AGPAT1: variants seen among roughly 807,000 people sequenced by gnomAD.
The protein encoded by AGPAT1 is 1-acyl-sn-glycerol-3-phosphate acyltransferase alpha.
AGPAT1 carries 6 observed loss-of-function variants against 31.2 expected under a neutral mutation model. The ratio of observed to expected loss-of-function variants is 0.19; its 90% CI spans 0.11 to 0.38. The LOEUF is 0.38. AGPAT1 is among the 10% of genes least tolerant of loss of function. The pLI, the probability that AGPAT1 is intolerant of heterozygous loss-of-function variation, is 1.00. For missense variants in AGPAT1, 187 were observed against 377.8 expected (o/e 0.49, Z 4.19); for synonymous variants, 139 against 154.0 (o/e 0.90, Z 0.72).
Position 32,169,637 on chromosome 6 carries a change from G to T in AGPAT1, c.680-189C>A. 1 of 687,436 alleles carries T rather than the reference G, an allele frequency of 1.5e-6. No individual in the cohort carries two copies. The highest frequency in any genetic ancestry group is 2.4e-6 in the Non-Finnish European group (1 of 416,144). 42.6% of individuals were successfully genotyped at this position (687,436 alleles called of 1,614,324 possible). A position where few individuals can be genotyped will look rare whatever the true frequency, so the allele number is the denominator to read the frequency against. On this transcript the variant is annotated intron_variant, in intron 6 of 6. Coordinates refer to ENST00000375107, the MANE Select transcript of AGPAT1 (RefSeq NM_006411.4). This position sits in a 1 kb window ranked among gnomAD's most constrained non-coding sequence, Gnocchi z 5.9. ...TATACAAAGCCTTCTCCAATCCCCA[G>T]TTCAGACATCTCCTCAGCACCCCTC...
chr6:32,169,343 A>G lies in AGPAT1; in HGVS notation c.785T>C (p.Phe262Ser). 6.2e-7 allele frequency: 1 copy of G among 1,612,994 alleles called. No individual in the cohort carries two copies. The highest frequency in any genetic ancestry group is 8.5e-7 in the Non-Finnish European group (1 of 1,179,978). Residue 262 changes from phenylalanine (F) to serine (S), a missense_variant, in exon 7 of 7, where the codon TTC (phenylalanine) becomes TCC (serine). Phe to Ser is a radical substitution (Grantham distance 155). This residue lies in a region of AGPAT1 where 29 missense variants were observed against 33.8 expected (regional missense o/e 0.86). Transcript: ENST00000375107. The surrounding 1 kb of genome is among the most constrained non-coding windows in gnomAD (Gnocchi z 5.9). ...CCGGCCATCAGTGGAGATTTCCCGG[A>G]AAACAGTGAGCATGGAGTGCCGGAC... is the stretch of plus-strand genomic sequence containing the variant. ...DRVRHSMLTV[F>S]REISTDGRGG...
chr6:32,169,168 G>T lies in AGPAT1; in HGVS notation c.*108C>A. On this transcript the variant is annotated 3_prime_UTR_variant, in exon 7 of 7. Transcript: ENST00000375107. The surrounding 1 kb of genome is among the most constrained non-coding windows in gnomAD (Gnocchi z 5.9). ...AGATTCCAAAGAGGAGAATAAGTGG[G>T]GAGAGGGGAGACAAGGAAGAGGGTT... 8.5e-7 allele frequency: 1 copy of T among 1,179,366 alleles called. No individual in the cohort carries two copies. Among genetic ancestry groups the T allele is most frequent in the South Asian group, 1.4e-5 (1 of 71,340 alleles). The allele number at this position is 1,179,366 out of a possible 1,614,324, so 73.1% of individuals were successfully genotyped here. A position where few individuals can be genotyped will look rare whatever the true frequency, so the allele number is the denominator to read the frequency against.
At position 32,171,664 on chromosome 6, in the gene AGPAT1, C is replaced by T. The variant is rs1582665468; in HGVS notation, c.-9-159G>A. The T allele has an allele frequency of 5.2e-6, 5 of 964,588 alleles. No homozygotes were observed. The highest frequency in any genetic ancestry group is 6.1e-6 in the Non-Finnish European group (4 of 658,112). 59.8% of individuals were successfully genotyped at this position (964,588 alleles called of 1,614,324 possible). A position where few individuals can be genotyped will look rare whatever the true frequency, so the allele number is the denominator to read the frequency against. On this transcript the variant is annotated intron_variant, in intron 1 of 6. Coordinates refer to ENST00000375107, the MANE Select transcript of AGPAT1 (RefSeq NM_006411.4). This position sits in a 1 kb window ranked among gnomAD's most constrained non-coding sequence, Gnocchi z 6.9. ...ATTGAAACCTTCCCAGGAAGGCTCT[C>T]TAGGATGAGGGTGGTGGAGAAAGAG... is the stretch of plus-strand genomic sequence containing the variant.
chr6:32,169,483 C>T lies in AGPAT1; in HGVS notation c.680-35G>A. Reference sequence around the variant, plus strand: ...GGGGAGCACCATCATGGCCTGTCCACCCAGGTCTTTGCCCACAGGTGGGGC... The same window carrying T: ...GGGGAGCACCATCATGGCCTGTCCATCCAGGTCTTTGCCCACAGGTGGGGC... On this transcript the variant is annotated intron_variant, in intron 6 of 6. Coordinates refer to ENST00000375107, the MANE Select transcript of AGPAT1 (RefSeq NM_006411.4). The surrounding 1 kb of genome is among the most constrained non-coding windows in gnomAD (Gnocchi z 5.9). The T allele has an allele frequency of 6.2e-7, 1 of 1,605,474 alleles. No homozygotes were observed. The highest frequency in any genetic ancestry group is 8.5e-7 in the Non-Finnish European group (1 of 1,175,328).
Position 32,170,396 on chromosome 6 carries a change from C to T in AGPAT1, c.510+29G>A, listed in dbSNP as rs1446094869. 1.2e-6 allele frequency: 2 copies of T among 1,613,872 alleles called. No individual in the cohort carries two copies. The highest frequency in any genetic ancestry group is 8.5e-7 in the Non-Finnish European group (1 of 1,179,982). Reference sequence around the variant, plus strand: ...ACAACTGTTCTACTCTGTATCCCTCCAATCCCCCATTTCCCCAGGATGACT... The same window carrying T: ...ACAACTGTTCTACTCTGTATCCCTCTAATCCCCCATTTCCCCAGGATGACT... On this transcript the variant is annotated intron_variant, in intron 4 of 6. Coordinates refer to ENST00000375107, the MANE Select transcript of AGPAT1 (RefSeq NM_006411.4). The surrounding 1 kb of genome is among the most constrained non-coding windows in gnomAD (Gnocchi z 7.7).
At chr6:32,177,823 T>C (rs1356056653), upstream of AGPAT1, 1 of 152,084 alleles carries the variant, frequency 6.6e-6, no homozygotes, top group Non-Finnish European at 1.5e-5. Context: ...CAGCAGAAAG[T>C]CCACAGCTGA....
In AGPAT1 at chr6:32,173,533, C is replaced by T. The variant is rs1785280021; in HGVS notation, c.-9-2028G>A. On this transcript the variant is annotated intron_variant, in intron 1 of 6. Transcript: ENST00000375107. The surrounding 1 kb of genome is among the most constrained non-coding windows in gnomAD (Gnocchi z 4.7). ...GCACAGATTTTTCTGAAACACAGAGCATTTCCCTGTCTTGCCTAAAGGCTC... is the reference window on the plus strand; with the variant it reads ...GCACAGATTTTTCTGAAACACAGAGTATTTCCCTGTCTTGCCTAAAGGCTC... 6.6e-6 allele frequency among the ~76,000 whole-genome samples: 1 copy of T among 152,226 alleles called. No individual in the cohort carries two copies. The highest frequency in any genetic ancestry group is 2.4e-5 in the African/African-American group (1 of 41,460).
Position 32,170,104 on chromosome 6 carries a change from C to A in AGPAT1, c.606+61G>T. The A allele has an allele frequency of 6.2e-7, 1 of 1,610,436 alleles. No individual in the cohort carries two copies. Among genetic ancestry groups the A allele is most frequent in the Non-Finnish European group, 8.5e-7 (1 of 1,176,754 alleles). ...AGAGACTCCTACAATAAGCCCCTGCCCAGAGATGAGGGAATGGTGGGGGTT... is the reference window on the plus strand; with the variant it reads ...AGAGACTCCTACAATAAGCCCCTGCACAGAGATGAGGGAATGGTGGGGGTT... On this transcript the variant is annotated intron_variant, in intron 5 of 6. Coordinates refer to ENST00000375107, the MANE Select transcript of AGPAT1 (RefSeq NM_006411.4). The surrounding 1 kb of genome is among the most constrained non-coding windows in gnomAD (Gnocchi z 7.7).
chr6:32,169,035 A>G lies in AGPAT1; in HGVS notation c.*241T>C, dbSNP rs1001931923. 2.7e-4 allele frequency: 150 copies of G among 562,348 alleles called. No homozygotes were observed. In the African/African-American group the frequency reaches 2.7e-3, roughly 10 times the overall value. 34.8% of individuals were successfully genotyped at this position (562,348 alleles called of 1,614,324 possible). On this transcript the variant is annotated 3_prime_UTR_variant, in exon 7 of 7. Coordinates refer to ENST00000375107, the MANE Select transcript of AGPAT1 (RefSeq NM_006411.4). This position sits in a 1 kb window ranked among gnomAD's most constrained non-coding sequence, Gnocchi z 5.9. Reference sequence around the variant, plus strand: ...GAGGCAACTGTCCCACAGACAAGACAGTAGGAGGTGGGGGTCAAGAGTGGA... The same window carrying G: ...GAGGCAACTGTCCCACAGACAAGACGGTAGGAGGTGGGGGTCAAGAGTGGA...
Position 32,171,374 on chromosome 6 carries a change from G to A in AGPAT1, c.123C>T (p.Tyr41=). 2 of 1,613,208 alleles carry A rather than the reference G, an allele frequency of 1.2e-6. No individual in the cohort carries two copies. The highest frequency in any genetic ancestry group is 2.2e-5 in the South Asian group (2 of 91,084). Residue 41 remains tyrosine (Y), a synonymous_variant, in exon 2 of 7, where the codon TAC becomes TAT. Transcript: ENST00000375107. The surrounding 1 kb of genome is among the most constrained non-coding windows in gnomAD (Gnocchi z 6.9). ...CAGCCAGGAAGAGGATCCAGCCATT[G>A]TAGAAGGCCATCTTGAAGAAGTACT... ...SAKYFFKMAF[Y]NGWILFLAVL...
At position 32,171,211 on chromosome 6, in the gene AGPAT1, T is replaced by TAC; in HGVS notation, c.200+84_200+85dup. 1 of 1,605,438 alleles carries TAC rather than the reference T, an allele frequency of 6.2e-7. No homozygotes were observed. The highest frequency in any genetic ancestry group is 1.7e-4 in the Middle Eastern group (1 of 6,018). Reference sequence around the variant, plus strand: ...GTCTCTGGTCTCTCTCAGTCTTTTCTACACACACCATGCCCCCTTCCCCCA... The same window carrying TAC: ...GTCTCTGGTCTCTCTCAGTCTTTTCTACACACACACCATGCCCCCTTCCCCCA... On this transcript the variant is annotated intron_variant, in intron 2 of 6. Coordinates refer to ENST00000375107, the MANE Select transcript of AGPAT1 (RefSeq NM_006411.4). This position sits in a 1 kb window ranked among gnomAD's most constrained non-coding sequence, Gnocchi z 6.9.
At chr6:32,177,201 C>T (rs980340050), upstream of AGPAT1, 16 of 397,884 alleles carry the variant, frequency 4.0e-5, no homozygotes, top group Middle Eastern at 6.2e-4. Context: ...TACATGCCCT[C>T]GGGAAGAGGA....
chr6:32,171,402 G>C lies in AGPAT1; in HGVS notation c.95C>G (p.Ala32Gly). 6.2e-7 allele frequency: 1 copy of C among 1,613,210 alleles called. No homozygotes were observed. The highest frequency in any genetic ancestry group is 8.5e-7 in the Non-Finnish European group (1 of 1,180,054). ...GAAGGCCATCTTGAAGAAGTACTTG[G>C]CACTGGGGCTGCAGAACCACAGGGT... Reference protein sequence around the residue: ...LPTLWFCSPSAKYFFKMAFYN... With the variant: ...LPTLWFCSPSGKYFFKMAFYN... Residue 32 changes from alanine to glycine, a missense_variant, in exon 2 of 7, where the codon GCC becomes GGC. Ala to Gly is a moderately conservative substitution (Grantham distance 60). Coordinates refer to ENST00000375107, the MANE Select transcript of AGPAT1 (RefSeq NM_006411.4). The surrounding 1 kb of genome is among the most constrained non-coding windows in gnomAD (Gnocchi z 6.9).
chr6:32,171,451 G>C lies in AGPAT1; in HGVS notation c.46C>G (p.Leu16Val). ...GAWMLLLLLF[L>V]LLLFLLPTLW... Reference sequence around the variant, plus strand: ...GTGGGCAGCAGGAAGAGCAGCAGCAGGAAGAGCAGCAGCAGCAGCATCCAT... The same window carrying C: ...GTGGGCAGCAGGAAGAGCAGCAGCACGAAGAGCAGCAGCAGCAGCATCCAT... The change falls in exon 2 of 7, where the codon CTG (leucine) becomes GTG (valine). Residue 16 changes from leucine to valine, a missense_variant. By Grantham distance (32) the Leu-to-Val change is conservative (BLOSUM62 1). Around this residue, in one of 3 missense-constraint regions of AGPAT1, gnomAD observed 45 missense variants for 60.9 expected, o/e 0.74. Coordinates refer to ENST00000375107, the MANE Select transcript of AGPAT1 (RefSeq NM_006411.4). The surrounding 1 kb of genome is among the most constrained non-coding windows in gnomAD (Gnocchi z 6.9). The C allele has an allele frequency of 3.1e-6, 5 of 1,612,034 alleles. No homozygotes were observed. The highest frequency in any genetic ancestry group is 2.2e-5 in the East Asian group (1 of 44,870).
rs1785402894 is a variant in AGPAT1, at chr6:32,174,937, A to C, written c.-10+877T>G. Among the ~76,000 whole-genome samples the C allele has an allele frequency of 6.6e-6, 1 of 152,244 alleles. No individual in the cohort carries two copies. The highest frequency in any genetic ancestry group is 6.5e-5 in the Admixed American group (1 of 15,294). On this transcript the variant is annotated intron_variant, in intron 1 of 6. Transcript: ENST00000375107. The surrounding 1 kb of genome is among the most constrained non-coding windows in gnomAD (Gnocchi z 4.5). ...TTCTGTGAACTGTGACTGGGAAAAC[A>C]CAGCAAACAGGCCAATTCAGTCAGA...
upstream of AGPAT1, chr6:32,177,374 C>G: frequency 3.0e-6 from 1 of 328,550 alleles, no homozygotes; most frequent in Non-Finnish European, 5.5e-6. Flanking sequence ...CTCCGCGGGT[C>G]TCCTTAAAAG....
rs1230015601 is a variant in AGPAT1, at chr6:32,174,476, C to T, written c.-10+1338G>A. On this transcript the variant is annotated intron_variant, in intron 1 of 6. Transcript: ENST00000375107. The surrounding 1 kb of genome is among the most constrained non-coding windows in gnomAD (Gnocchi z 4.5). ...AAATGTACCGAATGGGATCAAGATG[C>T]CACAGGGAAAGATGCTGCTCTCATC... Among the ~76,000 whole-genome samples, 2 of 152,168 alleles carry T rather than the reference C, an allele frequency of 1.3e-5. No homozygotes were observed. The highest frequency in any genetic ancestry group is 2.9e-5 in the Non-Finnish European group (2 of 68,034).
In AGPAT1 at chr6:32,169,293, G is replaced by T. The variant is rs781622314; in HGVS notation, c.835C>A (p.Pro279Thr). 1.8e-5 allele frequency: 29 copies of T among 1,612,918 alleles called. No individual in the cohort carries two copies. In the South Asian group the frequency reaches 3.0e-4, roughly 16 times the overall value. Residue 279 changes from proline (P) to threonine (T), a missense_variant, in exon 7 of 7, where the codon CCT (proline) becomes ACT (threonine). Transcript: ENST00000375107. This position sits in a 1 kb window ranked among gnomAD's most constrained non-coding sequence, Gnocchi z 5.9. ...GCCAGGGTTCACCCACCGCCCCCAG[G>T]CTTCTTCAGATAGTCACCACCACCC... is the stretch of plus-strand genomic sequence containing the variant. ...GRGGGDYLKK[P>T]GGGG
Position 32,170,681 on chromosome 6 carries a change from C to T in AGPAT1, c.335-81G>A, listed in dbSNP as rs764744712. ...GCAACCCACCTCACCCAGCTCATCA[C>T]CCTCTGGTAGGGACTGGAGGTGAAG... On this transcript the variant is annotated intron_variant, in intron 3 of 6. Coordinates refer to ENST00000375107, the MANE Select transcript of AGPAT1 (RefSeq NM_006411.4). This position sits in a 1 kb window ranked among gnomAD's most constrained non-coding sequence, Gnocchi z 7.7. 3 of 1,535,546 alleles carry T rather than the reference C, an allele frequency of 2.0e-6. No homozygotes were observed. In the African/African-American group the frequency reaches 4.1e-5, roughly 21 times the overall value.
Sources: allele counts gnomAD v4.1 joint callset (sites outside exome capture counted in the v4.1 genomes callset), GRCh38; gene constraint gnomAD v4.1.1; regional missense constraint gnomAD v4.1.1; non-coding constraint Gnocchi (gnomAD v3.1); transcripts MANE v1.5; gene names NCBI Gene and HGNC (gene_info 2026-07-23, HGNC 2026-07-21).